The following PCSK6 variants were observed in gnomAD, a reference collection of about 807,000 sequenced individuals.
The protein encoded by PCSK6 is proprotein convertase subtilisin/kexin type 6.
Under a neutral mutation model 123.3 loss-of-function variants are expected in PCSK6, and 85 were observed. That is an observed-to-expected ratio of 0.69 (90% CI 0.58 to 0.83). The LOEUF is 0.83. PCSK6 is among the 40% of genes least tolerant of loss of function. The pLI, the probability that PCSK6 is intolerant of heterozygous loss-of-function variation, is 0.00. For synonymous variants in PCSK6, 508 were observed against 516.0 expected (o/e 0.98, Z 0.21); for missense variants, 1,191 against 1,282.3 (o/e 0.93, Z 1.09).
chr15:101,380,142 G>A (rs991351734), intron 11 of PCSK6, among the ~76,000 whole-genome samples: 11 of 152,184 alleles, frequency 7.2e-5, no homozygotes, highest in Admixed American at 3.9e-4. Flanking sequence ...TTCCTCAAAG[G>A]ACAGGAACAA....
chr15:101,442,495 C>A (rs1364010581), intron 2 of PCSK6, among the ~76,000 whole-genome samples: 1 of 152,152 alleles, frequency 6.6e-6, no homozygotes, highest in Non-Finnish European at 1.5e-5. Context: ...AATTCAGGTA[C>A]AGAGCCCAGA....
At chr15:101,379,567 A>T (rs187810405) in intron 11 of PCSK6, among the ~76,000 whole-genome samples, 1 of 152,204 alleles carries the variant, frequency 6.6e-6, no homozygotes, top group African/African-American at 2.4e-5. Flanking sequence ...GCTCTTCACC[A>T]TGGGAAGCAG....
At chr15:101,430,146 T>G (rs151090000) in intron 4 of PCSK6, 83 bp from the exon 5 acceptor site, 2 of 1,056,316 alleles carry the variant, frequency 1.9e-6, no homozygotes, top group Non-Finnish European at 2.9e-6. Context: ...CGTTGGCAAA[T>G]AGAGAAACCA....
intron 17 of PCSK6, among the ~76,000 whole-genome samples, chr15:101,322,845 G>A (rs73489212): frequency 0.014 from 2,187 of 152,324 alleles, 49 homozygotes; most frequent in African/African-American, 0.05. Context: ...CCAGGCCTCT[G>A]AGGTGGTTCT....
chr15:101,387,336 C>T (rs962922991), intron 9 of PCSK6, among the ~76,000 whole-genome samples: 13 of 152,150 alleles, frequency 8.5e-5, no homozygotes, highest in African/African-American at 3.1e-4. Context: ...CCATGCTGCC[C>T]GTGCAACCTG....
chr15:101,313,424 C>T lies in PCSK6; in HGVS notation c.2651G>A (p.Gly884Asp). 3.1e-6 allele frequency: 5 copies of T among 1,612,598 alleles called. No individual in the cohort carries two copies. Among genetic ancestry groups the T allele is most frequent in the Non-Finnish European group, 4.2e-6 (5 of 1,179,836 alleles). The change falls in exon 20 of 22, where the codon GGC becomes GAC. Residue 884 changes from glycine (G) to aspartate (D), a missense_variant. This residue lies in a region of PCSK6 where 630 missense variants were observed against 631.4 expected (regional missense o/e 1.00). Coordinates refer to ENST00000611716, the MANE Select transcript of PCSK6 (RefSeq NM_002570.5). ...DWKCVPACGE[G>D]FYPEEMPGLP... ...GCCCGGCATCTCTTCTGGGTAGAAG[C>T]CCTCACCACAGGCTGGCACACACTT...
At chr15:101,375,045 C>T (rs772999105) in intron 11 of PCSK6, among the ~76,000 whole-genome samples, 2 of 151,888 alleles carry the variant, frequency 1.3e-5, no homozygotes, top group Non-Finnish European at 2.9e-5. Context: ...CTCTGCCTCC[C>T]GGGTTCAAGC....
intron 15 of PCSK6, among the ~76,000 whole-genome samples, chr15:101,326,910 G>T (rs957362950): frequency 4.6e-5 from 7 of 152,228 alleles, no homozygotes; most frequent in African/African-American, 1.4e-4. Flanking sequence ...ACAAGAGGGG[G>T]TGCTGAGTGT....
chr15:101,431,452 G>C lies in PCSK6; in HGVS notation c.525C>G (p.Asp175Glu), dbSNP rs1264289494. The C allele has an allele frequency of 6.2e-7, 1 of 1,613,662 alleles. No individual in the cohort carries two copies. Among genetic ancestry groups the C allele is most frequent in the Non-Finnish European group, 8.5e-7 (1 of 1,179,786 alleles). The change falls in exon 4 of 22, where the codon GAC becomes GAG. Residue 175 changes from aspartate (D) to glutamate (E), a missense_variant. By Grantham distance (45) the Asp-to-Glu change is conservative (BLOSUM62 2). Around this residue, in one of 3 missense-constraint regions of PCSK6, gnomAD observed 357 missense variants for 484.5 expected, o/e 0.74. Coordinates refer to ENST00000611716, the MANE Select transcript of PCSK6 (RefSeq NM_002570.5). The stretch of plus-strand genomic sequence containing the variant: ...TTTCCGACCGGCAGCGACTGTTCTT[G>C]TCGCCACAATGCTGTAAGCACGAAA... Reference protein sequence around the residue: ...WSNMWYLHCGDKNSRCRSEMN... With the variant: ...WSNMWYLHCGEKNSRCRSEMN...
At chr15:101,404,569 G>A (rs527460728) in intron 6 of PCSK6, among the ~76,000 whole-genome samples, 4 of 152,212 alleles carry the variant, frequency 2.6e-5, no homozygotes, top group Admixed American at 6.5e-5. Context: ...AGCAGCTCAC[G>A]GTAGGGGAAG....
chr15:101,386,767 CAG>C, intron 9 of PCSK6, among the ~76,000 whole-genome samples: 1 of 152,352 alleles, frequency 6.6e-6, no homozygotes. Context: ...TCCCGCCGTT[CAG>C]CTGTTGTGAA....
intron 20 of PCSK6, chr15:101,313,055 T>C: frequency 4.0e-6 from 5 of 1,263,696 alleles, no homozygotes; most frequent in African/African-American, 1.5e-5. Context: ...TTATCGACAG[T>C]GCAAAGGATG....
chr15:101,478,815 AG>A, intron 1 of PCSK6, among the ~76,000 whole-genome samples: 1 of 152,360 alleles, frequency 6.6e-6, no homozygotes, highest in East Asian at 1.9e-4. Flanking sequence ...AAGGGTGGAA[AG>A]CATAAGCGAT....
chr15:101,322,564 G>T lies in PCSK6; in HGVS notation c.2421C>A (p.Cys807Ter). 1.9e-6 allele frequency: 3 copies of T among 1,613,614 alleles called. No homozygotes were observed. Among genetic ancestry groups the T allele is most frequent in the Non-Finnish European group, 2.5e-6 (3 of 1,179,638 alleles). The change falls in exon 18 of 22, where the codon TGC (cysteine) becomes TGA (stop). Residue 807 changes from cysteine (C) to a stop codon, truncating the protein, a stop_gained. Transcript: ENST00000611716. LOFTEE classifies it high-confidence loss of function. The stretch of plus-strand genomic sequence containing the variant: ...CAGTACATTTCTCAGGTTCATCCAC[G>T]CACTTTTTACAGCTTGGGTGGCATT... ...CLKCHPSCKK[C>*]VDEPEKCTVC...
intron 1 of PCSK6, among the ~76,000 whole-genome samples, chr15:101,482,441 G>A (rs1227060594): frequency 6.6e-6 from 1 of 152,224 alleles, no homozygotes; most frequent in East Asian, 1.9e-4. Context: ...CCAGGGCAGG[G>A]TGAAAGGAGG....
At chr15:101,426,598 C>T (rs556868972) in intron 6 of PCSK6, among the ~76,000 whole-genome samples, 63 of 152,308 alleles carry the variant, frequency 4.1e-4, no homozygotes, top group East Asian at 9.6e-4. Context: ...AAGATTTCCA[C>T]GGGAAAAGGC....
chr15:101,313,213 G>C (rs1459090874), intron 20 of PCSK6, 163 bp downstream of exon 20: 1 of 1,536,142 alleles, frequency 6.5e-7, no homozygotes, highest in Non-Finnish European at 8.8e-7. Flanking sequence ...AGTGAACAAA[G>C]GGACGAAGGC....
At chr15:101,313,323 G>T in intron 20 of PCSK6, 53 bp downstream of exon 20, 4 of 1,612,192 alleles carry the variant, frequency 2.5e-6, no homozygotes, top group Non-Finnish European at 3.4e-6. Context: ...TGCCCTCCAG[G>T]CACTCCTTTG....
intron 12 of PCSK6, 141 bp from the exon 13 acceptor site, chr15:101,366,473 C>A (rs2041395469): frequency 4.2e-6 from 3 of 718,926 alleles, no homozygotes; most frequent in Non-Finnish European, 6.5e-6. Context: ...CTGGCCCCAG[C>A]CAACCCGAGG....
Sources: allele counts gnomAD v4.1 joint callset (sites outside exome capture counted in the v4.1 genomes callset), GRCh38; gene constraint gnomAD v4.1.1; regional missense constraint gnomAD v4.1.1; transcripts MANE v1.5; gene names NCBI Gene and HGNC (gene_info 2026-07-23, HGNC 2026-07-21).